Variants in SPRYD7 observed in about 807,000 individuals in gnomAD.
SPRYD7 encodes SPRY domain containing 7, also known as SPRY domain-containing protein 7.
A neutral mutation model predicts 23.8 loss-of-function variants in SPRYD7; 14 were observed. That is an observed-to-expected ratio of 0.59 (90% CI 0.39 to 0.92). The LOEUF (loss-of-function observed/expected upper bound fraction) is 0.92. Among genes scored for constraint, SPRYD7 ranks in the 40% least tolerant of loss-of-function variants. The pLI is 0.00. For missense variants in SPRYD7, 194 were observed against 241.7 expected, an observed-to-expected ratio of 0.80 and a Z score of 1.31; for synonymous variants, 75 against 84.9, an observed-to-expected ratio of 0.88 and a Z score of 0.64.
In SPRYD7 at chr13:49,936,322, G is replaced by T. The variant is rs1177799019; in HGVS notation, c.-87C>A. The stretch of plus-strand genomic sequence containing the variant: ...TCAGCTCCGTCTCCTGCCCCCGCCC[G>T]AGGTCCGGACTTGTCTATGTGGAGC... On this transcript the variant is annotated 5_prime_UTR_variant, in exon 1 of 5. Transcript: ENST00000361840. The T allele has an allele frequency of 3.6e-5, 35 of 969,788 alleles. No individual in the cohort carries two copies. Among genetic ancestry groups the T allele is most frequent in the Non-Finnish European group, 5.3e-5 (35 of 666,422 alleles). The allele number at this position is 969,788 out of a possible 1,614,324, so 60.1% of individuals were successfully genotyped here.
At chr13:49,936,010 G>A in intron 1 of SPRYD7, 120 bp downstream of exon 1, 3 of 555,620 alleles carry the variant, frequency 5.4e-6, no homozygotes, top group Non-Finnish European at 5.9e-6. Flanking sequence ...ACGAAATGGT[G>A]TCGGCGCAGC....
chr13:49,925,922 T>C (rs1955878383), intron 3 of SPRYD7, among the ~76,000 whole-genome samples: 1 of 152,160 alleles, frequency 6.6e-6, no homozygotes, highest in Non-Finnish European at 1.5e-5. Context: ...AATATAATCA[T>C]ATAATCATTT....
At chr13:49,921,881 A>G (rs1955825269) in intron 3 of SPRYD7, among the ~76,000 whole-genome samples, 1 of 152,210 alleles carries the variant, frequency 6.6e-6, no homozygotes, top group East Asian at 1.9e-4. Context: ...TAATATAAGT[A>G]CTACATACCA....
chr13:49,927,092 G>T (rs1955890434), intron 3 of SPRYD7, among the ~76,000 whole-genome samples: 2 of 152,106 alleles, frequency 1.3e-5, no homozygotes, highest in Admixed American at 1.3e-4. Context: ...CAAGCTTTAG[G>T]ATTTTGAGTT....
At chr13:49,919,506 T>A (rs1482305282) in intron 4 of SPRYD7, among the ~76,000 whole-genome samples, 1 of 151,894 alleles carries the variant, frequency 6.6e-6, no homozygotes, top group Non-Finnish European at 1.5e-5. Context: ...ATCGTGCCAC[T>A]GCACTCCAGT....
intron 3 of SPRYD7, among the ~76,000 whole-genome samples, chr13:49,925,188 C>T (rs1334345131): frequency 6.8e-6 from 1 of 147,318 alleles, no homozygotes; most frequent in Non-Finnish European, 1.5e-5. Flanking sequence ...GTCAGGAGTT[C>T]GAGACCAGCC....
At position 49,936,227 on chromosome 13, in the gene SPRYD7, G is replaced by A; in HGVS notation, c.9C>T (p.Thr3=). Residue 3 remains threonine, a synonymous_variant, in exon 1 of 5, where the codon ACC becomes ACT. Transcript: ENST00000361840. The part of the protein sequence containing the change: MA[T]SVLCCLRCCR... ...AGCACCGCAGGCAGCACAACACCGA[G>A]GTGGCCATCGCGCAGGGACCACCGA... 6.2e-7 allele frequency: 1 copy of A among 1,603,244 alleles called. No homozygotes were observed. Among genetic ancestry groups the A allele is most frequent in the Admixed American group, 1.7e-5 (1 of 59,388 alleles).
intron 4 of SPRYD7, among the ~76,000 whole-genome samples, chr13:49,918,359 T>A (rs1955775269): frequency 6.6e-6 from 1 of 150,544 alleles, no homozygotes; most frequent in Non-Finnish European, 1.5e-5. Context: ...ATTGCACCAG[T>A]GCTGCTTTTA....
At chr13:49,932,355 G>C (rs756671527) in intron 1 of SPRYD7, among the ~76,000 whole-genome samples, 1 of 152,090 alleles carries the variant, frequency 6.6e-6, no homozygotes, top group African/African-American at 2.4e-5. Context: ...TGTAAACAAG[G>C]TTTTAACATT....
At chr13:49,935,919 C>G (rs1871602562) in intron 1 of SPRYD7, among the ~76,000 whole-genome samples, 1 of 152,110 alleles carries the variant, frequency 6.6e-6, no homozygotes, top group African/African-American at 2.4e-5. Flanking sequence ...TTCGCGATGA[C>G]AGACACAGAG....
Position 49,936,216 on chromosome 13 carries a change from C to A in SPRYD7, c.20G>T (p.Cys7Phe). The change falls in exon 1 of 5, where the codon TGC becomes TTC. Residue 7 changes from cysteine (C) to phenylalanine (F), a missense_variant. Cys to Phe is a radical substitution (Grantham distance 205). Transcript: ENST00000361840. MATSVL[C>F]CLRCCRDGGT... ...CCCGTCTCTGCAGCACCGCAGGCAG[C>A]ACAACACCGAGGTGGCCATCGCGCA... is the stretch of plus-strand genomic sequence containing the variant. 1 of 1,605,906 alleles carries A rather than the reference C, an allele frequency of 6.2e-7. No individual in the cohort carries two copies.
chr13:49,927,031 C>T (rs1376975671), intron 3 of SPRYD7, among the ~76,000 whole-genome samples: 5 of 151,980 alleles, frequency 3.3e-5, no homozygotes, highest in Non-Finnish European at 5.9e-5. Flanking sequence ...GTCTTAATAA[C>T]GTGTAACTTT....
intron 1 of SPRYD7, among the ~76,000 whole-genome samples, chr13:49,931,384 A>G (rs1594518667): frequency 6.6e-6 from 1 of 151,992 alleles, no homozygotes; most frequent in Non-Finnish European, 1.5e-5. Flanking sequence ...GTTTCACCAT[A>G]TTGGTCAGGC....
chr13:49,927,508 C>T (rs1048054817), intron 3 of SPRYD7, among the ~76,000 whole-genome samples: 1 of 149,156 alleles, frequency 6.7e-6, no homozygotes, highest in Non-Finnish European at 1.5e-5. Flanking sequence ...AAAAAAAAAA[C>T]AAGAAGAAGA....
chr13:49,919,948 G>C (rs961294719), intron 4 of SPRYD7, among the ~76,000 whole-genome samples: 1 of 151,972 alleles, frequency 6.6e-6, no homozygotes. Flanking sequence ...GGGTGGGGGG[G>C]TGTAGATGAA....
chr13:49,924,334 G>A (rs1188569514), intron 3 of SPRYD7, among the ~76,000 whole-genome samples: 8 of 151,870 alleles, frequency 5.3e-5, no homozygotes, highest in Non-Finnish European at 1.2e-4. Flanking sequence ...GGAGTGCAGC[G>A]GCAGGATCAC....
intron 4 of SPRYD7, among the ~76,000 whole-genome samples, 161 bp from the exon 5 acceptor site, chr13:49,915,321 T>C (rs539090961): frequency 2.0e-5 from 3 of 152,236 alleles, no homozygotes; most frequent in African/African-American, 7.2e-5. Flanking sequence ...CATAATCCTA[T>C]GGGTAAAAAC....
At chr13:49,924,324 G>A (rs555910410) in intron 3 of SPRYD7, among the ~76,000 whole-genome samples, 14 of 151,952 alleles carry the variant, frequency 9.2e-5, no homozygotes, top group African/African-American at 3.1e-4. Flanking sequence ...CAGGTTGGGT[G>A]GAGTGCAGCG....
At position 49,921,475 on chromosome 13, in the gene SPRYD7, T is replaced by A; in HGVS notation, c.493+3A>T. On this transcript the variant is annotated splice_donor_region_variant and intron_variant, in intron 4 of 4. Transcript: ENST00000361840. ...ATAATACATTAGAAATATTTTTGCT[T>A]ACCATAAACAACTGGATACACTGTC... 1 of 1,591,666 alleles carries A rather than the reference T, an allele frequency of 6.3e-7. No homozygotes were observed. Among genetic ancestry groups the A allele is most frequent in the Non-Finnish European group, 8.6e-7 (1 of 1,160,022 alleles).
Sources: gnomAD v4.1 joint callset for allele counts (sites outside exome capture counted in the v4.1 genomes callset) on GRCh38, gnomAD v4.1.1 for gene constraint, MANE v1.5 for transcripts, NCBI Gene and HGNC (gene_info 2026-07-23, HGNC 2026-07-21) for gene names.